PCDHGA6: variants seen among roughly 807,000 people sequenced by gnomAD.
PCDHGA6 encodes protocadherin gamma-A6.
A neutral mutation model predicts 60.6 loss-of-function variants in PCDHGA6; 41 were observed. The ratio of observed to expected loss-of-function variants is 0.68; its 90% CI spans 0.53 to 0.88. PCDHGA6 has a LOEUF of 0.88. PCDHGA6 is among the 40% of genes least tolerant of loss of function. PCDHGA6 has a pLI of 0.00. For synonymous variants in PCDHGA6, 594 were observed against 524.4 expected, an observed-to-expected ratio of 1.13 and a Z score of -1.81; for missense variants, 1,312 against 1,203.0, an observed-to-expected ratio of 1.09 and a Z score of -1.34.
chr5:141,403,299 T>A (rs1247528606), intron 1 of PCDHGA6: 1 of 1,613,896 alleles, frequency 6.2e-7, no homozygotes, highest in Admixed American at 1.7e-5. Flanking sequence ...AGAGTGAAAC[T>A]GTACGGAATA....
chr5:141,422,390 C>T, intron 1 of PCDHGA6: 1 of 1,591,016 alleles, frequency 6.3e-7, no homozygotes, highest in Non-Finnish European at 8.5e-7. Flanking sequence ...TGTTTTATTC[C>T]TAACCACCTG....
intron 1 of PCDHGA6, chr5:141,399,280 G>T (rs750453381): frequency 6.2e-7 from 1 of 1,613,836 alleles, no homozygotes; most frequent in Non-Finnish European, 8.5e-7. Flanking sequence ...ATTACAAGGC[G>T]AAGTCCCTTT....
intron 1 of PCDHGA6, chr5:141,418,428 A>G: frequency 6.2e-7 from 1 of 1,613,980 alleles, no homozygotes; most frequent in Non-Finnish European, 8.5e-7. Flanking sequence ...GATGGTGGCA[A>G]ATATCCAGAA....
At chr5:141,421,156 C>T in intron 1 of PCDHGA6, 1 of 1,197,694 alleles carries the variant, frequency 8.3e-7, no homozygotes, top group Non-Finnish European at 1.1e-6. Flanking sequence ...CGGCCTAGGA[C>T]TTCATAGATA....
intron 1 of PCDHGA6, among the ~76,000 whole-genome samples, chr5:141,456,859 A>C (rs2098893194): frequency 6.6e-6 from 1 of 152,152 alleles, no homozygotes; most frequent in Admixed American, 6.6e-5. Context: ...GCTAATTGGG[A>C]GGCTGAGGCA....
Position 141,376,311 on chromosome 5 carries a change from T to A in PCDHGA6, c.2228T>A (p.Val743Glu). ...ASMPGSHFVG[V>E]EGVRAFLQTY... ...ATGCCCGGCTCGCACTTTGTGGGCG[T>A]GGAAGGGGTTCGGGCTTTCCTGCAG... The change falls in exon 1 of 4, where the codon GTG (valine) becomes GAG (glutamate). Residue 743 changes from valine to glutamate, a missense_variant. Physicochemically the swap from Val to Glu is moderately radical, Grantham distance 121. Transcript: ENST00000517434. The A allele has an allele frequency of 1.2e-6, 2 of 1,613,882 alleles. No homozygotes were observed. The highest frequency in any genetic ancestry group is 1.7e-6 in the Non-Finnish European group (2 of 1,180,022).
At chr5:141,421,548 G>C in intron 1 of PCDHGA6, 1 of 1,613,984 alleles carries the variant, frequency 6.2e-7, no homozygotes, top group Non-Finnish European at 8.5e-7. Flanking sequence ...TTTTAAATAT[G>C]GAACTTCTCG....
At chr5:141,446,894 A>C (rs1413761456) in intron 1 of PCDHGA6, among the ~76,000 whole-genome samples, 3 of 152,118 alleles carry the variant, frequency 2.0e-5, no homozygotes, top group Non-Finnish European at 2.9e-5. Flanking sequence ...TTCATGGCTG[A>C]GCTACTTTTG....
chr5:141,478,096 T>C (rs749277013), intron 1 of PCDHGA6: 1 of 1,614,074 alleles, frequency 6.2e-7, no homozygotes, highest in South Asian at 1.1e-5. Context: ...CCACCACTGC[T>C]ACCCTCACTG....
At chr5:141,506,699 C>T (rs758682427) in intron 3 of PCDHGA6, among the ~76,000 whole-genome samples, 2 of 152,094 alleles carry the variant, frequency 1.3e-5, no homozygotes, top group Non-Finnish European at 2.9e-5. Flanking sequence ...GACCCAAACC[C>T]GTTTTTTACT....
chr5:141,399,472 C>T lies in PCDHGA6; in HGVS notation c.2424+22965C>T, dbSNP rs763239278. On this transcript the variant is annotated intron_variant, in intron 1 of 3. Transcript: ENST00000517434. ...CGTCAACGATAACGCTCCGGTTTTCCACCAGGCGTCCTACTTAGTCAGTGT... is the reference window on the plus strand; with the variant it reads ...CGTCAACGATAACGCTCCGGTTTTCTACCAGGCGTCCTACTTAGTCAGTGT... 29 of 1,613,908 alleles carry T rather than the reference C, an allele frequency of 1.8e-5. No individual in the cohort carries two copies. The South Asian group carries it at 2.9e-4, about 16-fold the overall frequency.
intron 1 of PCDHGA6, chr5:141,399,667 C>T (rs752195462): frequency 1.2e-6 from 2 of 1,613,634 alleles, no homozygotes; most frequent in Non-Finnish European, 8.5e-7. Context: ...GTTCGCGCAG[C>T]GCGCCTTTGA....
intron 2 of PCDHGA6, among the ~76,000 whole-genome samples, chr5:141,498,352 CA>C: frequency 6.6e-6 from 1 of 151,890 alleles, no homozygotes; most frequent in African/African-American, 2.4e-5. Flanking sequence ...AAAGCCTATG[CA>C]AAAGCCTTGT....
rs1191643556 is a variant in PCDHGA6, at chr5:141,486,302, C to T, written c.2425-8505C>T. The T allele has an allele frequency of 2.5e-6, 4 of 1,613,918 alleles. No individual in the cohort carries two copies. The highest frequency in any genetic ancestry group is 3.4e-6 in the Non-Finnish European group (4 of 1,180,002). Reference sequence around the variant, plus strand: ...GGTGGCACTTATCAGTGTGCAGGATCCAGACTCAGGGTCAAACGGAGATGT... The same window carrying T: ...GGTGGCACTTATCAGTGTGCAGGATTCAGACTCAGGGTCAAACGGAGATGT... On this transcript the variant is annotated intron_variant, in intron 1 of 3. Coordinates refer to ENST00000517434, the MANE Select transcript of PCDHGA6 (RefSeq NM_018919.3). This position sits in a 1 kb window ranked among gnomAD's most constrained non-coding sequence, Gnocchi z 5.0.
In PCDHGA6 at chr5:141,432,661, C is replaced by T; in HGVS notation, c.2424+56154C>T. ...TGCGCACGGCGCGAGCCCTGCTGGACAGAGACGCGCTCAAGCAGAGCCTCG... is the reference window on the plus strand; with the variant it reads ...TGCGCACGGCGCGAGCCCTGCTGGATAGAGACGCGCTCAAGCAGAGCCTCG... On this transcript the variant is annotated intron_variant, in intron 1 of 3. Transcript: ENST00000517434. This position sits in a 1 kb window ranked among gnomAD's most constrained non-coding sequence, Gnocchi z 6.0. 3.1e-6 allele frequency: 5 copies of T among 1,613,886 alleles called. No homozygotes were observed. In the South Asian group the frequency reaches 5.5e-5, roughly 18 times the overall value.
Position 141,431,655 on chromosome 5 carries a change from G to A in PCDHGA6, c.2424+55148G>A, listed in dbSNP as rs199998405. On this transcript the variant is annotated intron_variant, in intron 1 of 3. Transcript: ENST00000517434. This position sits in a 1 kb window ranked among gnomAD's most constrained non-coding sequence, Gnocchi z 4.8. Reference sequence around the variant, plus strand: ...GTTTTCAAACTAGATTGTAATTCAGGGACAATATCAACAATAGGGGAGTTG... The same window carrying A: ...GTTTTCAAACTAGATTGTAATTCAGAGACAATATCAACAATAGGGGAGTTG... 52 of 1,614,208 alleles carry A rather than the reference G, an allele frequency of 3.2e-5. No individual in the cohort carries two copies. The highest frequency in any genetic ancestry group is 3.3e-4 in the Middle Eastern group (2 of 6,062).
chr5:141,449,932 A>T (rs1275797555), intron 1 of PCDHGA6, among the ~76,000 whole-genome samples: 6 of 151,660 alleles, frequency 4.0e-5, no homozygotes, highest in Non-Finnish European at 5.9e-5. Flanking sequence ...CATACCTTAT[A>T]GTATATTTTA....
chr5:141,385,709 A>C, intron 1 of PCDHGA6: 1 of 259,262 alleles, frequency 3.9e-6, no homozygotes, highest in Non-Finnish European at 6.2e-6. Context: ...TAGCATTCAA[A>C]TATGTAAAAG....
At chr5:141,430,918 G>T (rs766412276) in intron 1 of PCDHGA6, 2 of 1,607,866 alleles carry the variant, frequency 1.2e-6, no homozygotes, top group South Asian at 2.2e-5. Context: ...GGGACCTGGG[G>T]CTGGAGCCCC....
Sources: gnomAD v4.1 joint callset for allele counts (sites outside exome capture counted in the v4.1 genomes callset) on GRCh38, gnomAD v4.1.1 for gene constraint, Gnocchi (gnomAD v3.1) non-coding constraint, MANE v1.5 for transcripts, NCBI Gene and HGNC (gene_info 2026-07-23, HGNC 2026-07-21) for gene names.